The following TNK2 variants were observed in gnomAD, a reference collection of about 807,000 sequenced individuals.
TNK2 encodes tyrosine kinase non receptor 2, also known as activated CDC42 kinase 1.
TNK2 carries 83 observed loss-of-function variants against 101.8 expected under a neutral mutation model. The ratio of observed to expected loss-of-function variants is 0.82; its 90% CI spans 0.68 to 0.98. TNK2 has a LOEUF of 0.98. TNK2 is among the 50% of genes least tolerant of loss of function. The pLI is 0.00. For missense variants in TNK2, 1,665 were observed against 1,483.2 expected, an observed-to-expected ratio of 1.12 and a Z score of -2.01; for synonymous variants, 804 against 633.0, an observed-to-expected ratio of 1.27 and a Z score of -4.06.
chr3:195,895,397 G>GGGGGCC (rs760863398), intron 1 of TNK2: 2 of 1,537,518 alleles, frequency 1.3e-6, no homozygotes, highest in South Asian at 2.4e-5. Context: ...CTGCGTCCTG[G>GGGGGCC]GGGGCCGGGC....
At chr3:195,871,491 CAGG>C (rs751397851) in intron 10 of TNK2, among the ~76,000 whole-genome samples, 3 of 152,138 alleles carry the variant, frequency 2.0e-5, no homozygotes, top group Non-Finnish European at 2.9e-5. Context: ...GCACCACCAG[CAGG>C]AGAAGGAAAA....
At chr3:195,881,974 G>A in intron 6 of TNK2, 77 bp downstream of exon 6, 2 of 1,520,638 alleles carry the variant, frequency 1.3e-6, no homozygotes, top group Non-Finnish European at 1.8e-6. Flanking sequence ...AGGGGCTGTG[G>A]TGGGTCCAGA....
chr3:195,883,509 G>A (rs1577071157), intron 4 of TNK2, 200 bp from the exon 5 acceptor site: 2 of 591,714 alleles, frequency 3.4e-6, no homozygotes, highest in African/African-American at 3.7e-5. Flanking sequence ...TGGCCCTCAG[G>A]AGCCATCGTC....
intron 2 of TNK2, among the ~76,000 whole-genome samples, chr3:195,887,827 C>T (rs1756500511): frequency 1.5e-5 from 2 of 130,258 alleles, no homozygotes; most frequent in East Asian, 2.3e-4. Flanking sequence ...TGCGGGTGTG[C>T]GCACACACGT....
rs530465701 is a variant in TNK2 at position 195,898,999 on chromosome 3, G to A, written c.-19+9486C>T. Among the ~76,000 whole-genome samples the A allele has an allele frequency of 9.8e-4, 149 of 152,306 alleles. 1 individual carries two copies. The highest frequency in any genetic ancestry group is 5.6e-3 in the South Asian group (27 of 4,828). On this transcript the variant is annotated intron_variant, in intron 1 of 15. Transcript: ENST00000672887. ...CAGTCCCAGCTACTCGGGAGGCTGAGGCAGGAGAATGGCGTGAACCCGGGA... is the reference window on the plus strand; with the variant it reads ...CAGTCCCAGCTACTCGGGAGGCTGAAGCAGGAGAATGGCGTGAACCCGGGA...
At position 195,878,303 on chromosome 3, in the gene TNK2, C is replaced by T. The variant is rs768747592; in HGVS notation, c.1206G>A (p.Pro402=). ...DMRALQDFEE[P]DKLHIQMNDV... ...CATTCATCTGGATGTGCAGCTTGTC[C>T]GGTTCCTCAAAGTCCTGAAGGGCCC... Residue 402 remains proline, a synonymous_variant, in exon 9 of 16, where the codon CCG becomes CCA. Coordinates refer to ENST00000672887, the MANE Select transcript of TNK2 (RefSeq NM_001382273.1). The surrounding 1 kb of genome is among the most constrained non-coding windows in gnomAD (Gnocchi z 4.7). The T allele has an allele frequency of 1.7e-5, 27 of 1,613,994 alleles. No individual in the cohort carries two copies. The highest frequency in any genetic ancestry group is 2.2e-5 in the Non-Finnish European group (26 of 1,180,020).
intron 9 of TNK2, among the ~76,000 whole-genome samples, chr3:195,875,881 C>T (rs1025903270): frequency 6.6e-5 from 10 of 152,208 alleles, no homozygotes; most frequent in Non-Finnish European, 1.5e-4. Context: ...TGAGAACTGC[C>T]TAAGGCTGCC....
Position 195,878,901 on chromosome 3 carries a change from G to T in TNK2, c.1014+148C>A. ...CGGGGCGTGAGAGGAGACACGGGGC[G>T]TGGTGGGAGGCACGGGAAGTGGGGG... is the stretch of plus-strand genomic sequence containing the variant. On this transcript the variant is annotated intron_variant, in intron 7 of 15. Transcript: ENST00000672887. This position sits in a 1 kb window ranked among gnomAD's most constrained non-coding sequence, Gnocchi z 4.7. 2 of 1,291,324 alleles carry T rather than the reference G, an allele frequency of 1.5e-6. No homozygotes were observed. Among genetic ancestry groups the T allele is most frequent in the Non-Finnish European group, 2.2e-6 (2 of 930,116 alleles). 80.0% of individuals were successfully genotyped at this position (1,291,324 alleles called of 1,614,324 possible).
Position 195,878,234 on chromosome 3 carries a change from C to A in TNK2, c.1256+19G>T, listed in dbSNP as rs550529019. 3.4e-5 allele frequency: 55 copies of A among 1,612,556 alleles called. No individual in the cohort carries two copies. In the South Asian group the frequency reaches 5.8e-4, roughly 17 times the overall value. Reference sequence around the variant, plus strand: ...CCTTCAAGCGATCCCAGGGCGGGGCCCAGCCCTGCACTCCCTACCTTCCCT... The same window carrying A: ...CCTTCAAGCGATCCCAGGGCGGGGCACAGCCCTGCACTCCCTACCTTCCCT... On this transcript the variant is annotated intron_variant, in intron 9 of 15. Transcript: ENST00000672887. This position sits in a 1 kb window ranked among gnomAD's most constrained non-coding sequence, Gnocchi z 4.7.
In TNK2 at chr3:195,892,453, G is replaced by C. The variant is rs944430077; in HGVS notation, c.-18-3847C>G. The stretch of plus-strand genomic sequence containing the variant: ...GCAGTCTGGCCAGGAGAGGGAAGGA[G>C]AGCTCCAGGCCAGGGAACCGACGTG... On this transcript the variant is annotated intron_variant, in intron 1 of 15. Coordinates refer to ENST00000672887, the MANE Select transcript of TNK2 (RefSeq NM_001382273.1). 2.0e-6 allele frequency: 3 copies of C among 1,535,426 alleles called. No individual in the cohort carries two copies. In the African/African-American group the frequency reaches 4.1e-5, roughly 21 times the overall value.
intron 9 of TNK2, among the ~76,000 whole-genome samples, chr3:195,874,005 G>C (rs899659800): frequency 6.6e-6 from 1 of 152,124 alleles, no homozygotes; most frequent in African/African-American, 2.4e-5. Flanking sequence ...CTGAAAAATA[G>C]CAGGGCCACT....
intron 10 of TNK2, chr3:195,870,434 C>G (rs1744289897): frequency 7.3e-7 from 1 of 1,374,202 alleles, no homozygotes; most frequent in South Asian, 1.2e-5. Context: ...CCTAGGACCT[C>G]AGGGACTCCA....
chr3:195,871,501 A>AT (rs1329813609), intron 10 of TNK2, among the ~76,000 whole-genome samples: 46 of 152,228 alleles, frequency 3.0e-4, no homozygotes, highest in African/African-American at 1.0e-3. Context: ...CAGGAGAAGG[A>AT]AAACCACTGC....
Position 195,870,099 on chromosome 3 carries a change from C to T in TNK2, c.1543+15G>A, listed in dbSNP as rs1484985229. 2 of 1,452,148 alleles carry T rather than the reference C, an allele frequency of 1.4e-6. No homozygotes were observed. Among genetic ancestry groups the T allele is most frequent in the Non-Finnish European group, 9.1e-7 (1 of 1,096,940 alleles). 90.0% of individuals were successfully genotyped at this position (1,452,148 alleles called of 1,614,324 possible). On this transcript the variant is annotated intron_variant, in intron 11 of 15. Coordinates refer to ENST00000672887, the MANE Select transcript of TNK2 (RefSeq NM_001382273.1). ...CCGATGAGTTAGGGACACCAGGGAGCAGAGGGGCTCTTACTTTTCACCCCT... is the reference window on the plus strand; with the variant it reads ...CCGATGAGTTAGGGACACCAGGGAGTAGAGGGGCTCTTACTTTTCACCCCT...
chr3:195,901,946 C>T (rs1200164831), intron 1 of TNK2, among the ~76,000 whole-genome samples: 1 of 152,200 alleles, frequency 6.6e-6, no homozygotes, highest in Admixed American at 6.5e-5. Context: ...TGAGTGAATG[C>T]ATGGATTCTG....
rs1262936305 is a variant in TNK2, at chr3:195,867,258, C to A, written c.2944G>T (p.Ala982Ser). Residue 982 changes from alanine to serine, a missense_variant, in exon 14 of 16, where the codon GCC becomes TCC. Coordinates refer to ENST00000672887, the MANE Select transcript of TNK2 (RefSeq NM_001382273.1). Reference sequence around the variant, plus strand: ...TCTGTGGTCACCCCATGCACCATGGCCTGCAGCTGGGCACACCCACCCCTG... The same window carrying A: ...TCTGTGGTCACCCCATGCACCATGGACTGCAGCTGGGCACACCCACCCCTG... ...RPADKIQMLQ[A>S]MVHGVTTEEC... 6.2e-7 allele frequency: 1 copy of A among 1,611,808 alleles called. No homozygotes were observed. The highest frequency in any genetic ancestry group is 8.5e-7 in the Non-Finnish European group (1 of 1,179,332).
In TNK2 at chr3:195,886,936, G is replaced by C. The variant is rs760007004; in HGVS notation, c.234+41C>G. 51 of 1,605,160 alleles carry C rather than the reference G, an allele frequency of 3.2e-5. 2 individuals carry two copies. The highest frequency in any genetic ancestry group is 2.9e-4 in the South Asian group (26 of 90,886). On this transcript the variant is annotated intron_variant, in intron 3 of 15. Coordinates refer to ENST00000672887, the MANE Select transcript of TNK2 (RefSeq NM_001382273.1). The surrounding 1 kb of genome is among the most constrained non-coding windows in gnomAD (Gnocchi z 4.2). ...ACCAGAAGCGGAGGGGGGCGTTCGA[G>C]GCTGCCCCCCTCCCACCTCCTCACC...
Position 195,883,186 on chromosome 3 carries a change from C to T in TNK2, c.580G>A (p.Gly194Arg). ...LDHRNLIRLYGVVLTPPMKMV... is the reference protein window; with the variant it reads ...LDHRNLIRLYRVVLTPPMKMV... ...TTCATGGGCGGCGTGAGCACCACCC[C>T]GTAGAGGCGGATGAGGTTTCGGTGG... Residue 194 changes from glycine (G) to arginine (R), a missense_variant, in exon 5 of 16, where the codon GGG becomes AGG. Physicochemically the swap from Gly to Arg is moderately radical, Grantham distance 125. This residue lies in a region of TNK2 where 490 missense variants were observed against 522.5 expected (regional missense o/e 0.94). Transcript: ENST00000672887. 1.2e-6 allele frequency: 2 copies of T among 1,608,646 alleles called. No homozygotes were observed. The highest frequency in any genetic ancestry group is 8.5e-7 in the Non-Finnish European group (1 of 1,179,986).
chr3:195,902,665 C>T (rs1301349489), intron 1 of TNK2, among the ~76,000 whole-genome samples: 1 of 147,270 alleles, frequency 6.8e-6, no homozygotes, highest in Non-Finnish European at 1.5e-5. Context: ...AAAAAAACAC[C>T]TCTCAGCAAA....
Sources: gnomAD v4.1 joint callset for allele counts (sites outside exome capture counted in the v4.1 genomes callset) on GRCh38, gnomAD v4.1.1 for gene constraint, gnomAD v4.1.1 regional missense constraint, Gnocchi (gnomAD v3.1) non-coding constraint, MANE v1.5 for transcripts, NCBI Gene and HGNC (gene_info 2026-07-23, HGNC 2026-07-21) for gene names.